MYH11: variants seen among roughly 807,000 people sequenced by gnomAD.
The protein encoded by MYH11 is myosin heavy chain 11.
In MYH11, 80 loss-of-function variants were observed where a neutral mutation model predicts 246.6. That is an observed-to-expected ratio of 0.32 (90% CI 0.27 to 0.39). MYH11 has a LOEUF of 0.39. Among genes scored for constraint, MYH11 ranks in the 10% least tolerant of loss-of-function variants. The pLI, the probability that MYH11 is intolerant of heterozygous loss-of-function variation, is 1.00. For missense variants in MYH11, 2,158 were observed against 2,546.8 expected, an observed-to-expected ratio of 0.85 and a Z score of 3.29; for synonymous variants, 1,071 against 1,015.5, an observed-to-expected ratio of 1.05 and a Z score of -1.04.
At chr16:15,842,762 C>CAAAAA (rs757920488) in intron 1 of MYH11, among the ~76,000 whole-genome samples, 3 of 19,672 alleles carry the variant, frequency 1.5e-4, no homozygotes, top group South Asian at 2.5e-3. Flanking sequence ...AGACTTCATC[C>CAAAAA]AAAAAAAAAA....
chr16:15,809,204 G>A (rs2043083312), intron 3 of MYH11, among the ~76,000 whole-genome samples: 1 of 152,168 alleles, frequency 6.6e-6, no homozygotes, highest in East Asian at 1.9e-4. Context: ...CATACGCACA[G>A]TAGGCTGTGT....
chr16:15,829,542 G>A (rs1274959683), intron 2 of MYH11, among the ~76,000 whole-genome samples: 1 of 152,114 alleles, frequency 6.6e-6, no homozygotes, highest in African/African-American at 2.4e-5. Flanking sequence ...ACCATAGTTG[G>A]CTGTGTTTCT....
chr16:15,781,851 G>GA (rs34331090), intron 6 of MYH11, among the ~76,000 whole-genome samples: 29,801 of 151,920 alleles, frequency 0.2, 3,142 homozygotes, highest in East Asian at 0.33. Context: ...CAGCAAATGA[G>GA]AAAAAAACAA....
In MYH11 at chr16:15,703,487, C is replaced by T. The variant is rs150385637; in HGVS notation, c.*504G>A. ...CTAAAAACTCAGTGTCTGCACAATC[C>T]ATTGATAGAACTGGAGGATGTGTCT... On this transcript the variant is annotated 3_prime_UTR_variant, in exon 41 of 41. Coordinates refer to ENST00000300036, the MANE Select transcript of MYH11 (RefSeq NM_002474.3). 26 of 271,564 alleles carry T rather than the reference C, an allele frequency of 9.6e-5. No homozygotes were observed. The highest frequency in any genetic ancestry group is 5.6e-4 in the African/African-American group (26 of 46,498). 16.8% of individuals were successfully genotyped at this position (271,564 alleles called of 1,614,324 possible). A position where few individuals can be genotyped will look rare whatever the true frequency, so the allele number is the denominator to read the frequency against.
intron 4 of MYH11, 125 bp downstream of exon 4, chr16:15,798,535 G>A: frequency 2.0e-6 from 2 of 1,008,098 alleles, no homozygotes; most frequent in Non-Finnish European, 2.9e-6. Flanking sequence ...AGAGGCACTT[G>A]GAACCATGAA....
intron 9 of MYH11, among the ~76,000 whole-genome samples, chr16:15,769,567 T>C (rs2042053847): frequency 6.6e-6 from 1 of 152,136 alleles, no homozygotes; most frequent in Admixed American, 6.5e-5. Context: ...TAGCTGGGAC[T>C]ACAGTGTGCA....
At chr16:15,730,912 G>A (rs1249572222) in intron 27 of MYH11, among the ~76,000 whole-genome samples, 1 of 152,114 alleles carries the variant, frequency 6.6e-6, no homozygotes, top group Non-Finnish European at 1.5e-5. Flanking sequence ...ACGGGAGAGT[G>A]ATTTGACCTA....
Position 15,791,663 on chromosome 16 carries a change from C to T in MYH11, c.531-4931G>A, listed in dbSNP as rs573463727. ...AAAATGGGTATAATAAAAACACTTACCTTGTATGATTTTTTTTTTTTTTTT... is the reference window on the plus strand; with the variant it reads ...AAAATGGGTATAATAAAAACACTTATCTTGTATGATTTTTTTTTTTTTTTT... On this transcript the variant is annotated intron_variant, in intron 4 of 40. Transcript: ENST00000300036. The T allele has an allele frequency of 3.5e-5, 5 of 144,884 alleles. No individual in the cohort carries two copies. In the East Asian group the frequency reaches 6.1e-4, roughly 18 times the overall value. 9.0% of individuals were successfully genotyped at this position (144,884 alleles called of 1,614,324 possible).
At chr16:15,840,012 T>C (rs1271468596) in intron 1 of MYH11, among the ~76,000 whole-genome samples, 4 of 151,596 alleles carry the variant, frequency 2.6e-5, no homozygotes, top group African/African-American at 4.8e-5. Flanking sequence ...GACTGCACCA[T>C]TGCACTCCAG....
chr16:15,727,194 T>G (rs941807967), intron 27 of MYH11, 140 bp from the exon 28 acceptor site: 11 of 750,490 alleles, frequency 1.5e-5, no homozygotes, highest in South Asian at 6.3e-5. Context: ...AGATTTGGGG[T>G]TTTTTTGTTG....
At position 15,757,875 on chromosome 16, in the gene MYH11, G is replaced by A. The variant is rs564612796; in HGVS notation, c.1527C>T (p.Ile509=). 23 of 1,614,202 alleles carry A rather than the reference G, an allele frequency of 1.4e-5. No individual in the cohort carries two copies. In the Admixed American group the frequency reaches 2.2e-4, roughly 15 times the overall value. The change falls in exon 13 of 41, where the codon ATC becomes ATT. Residue 509 remains isoleucine, a synonymous_variant. Transcript: ENST00000300036. ...AGGGCTGTAGGTCCAGCCCAAAGTC[G>A]ATGAAGTTCCACTCGATGCCCTCGC... ...YQREGIEWNF[I]DFGLDLQPCI...
chr16:15,738,844 A>G lies in MYH11; in HGVS notation c.2998-156T>C, dbSNP rs373274232. On this transcript the variant is annotated intron_variant, in intron 23 of 40. Transcript: ENST00000300036. ...TTAAATGGTAAAGAGAAGTCCCATAACAATTTCCAAAAACTGGCCATTTCT... is the reference window on the plus strand; with the variant it reads ...TTAAATGGTAAAGAGAAGTCCCATAGCAATTTCCAAAAACTGGCCATTTCT... Among the ~76,000 whole-genome samples, 162 of 152,338 alleles carry G rather than the reference A, an allele frequency of 1.1e-3. 1 individual carries two copies. Among genetic ancestry groups the G allele is most frequent in the Non-Finnish European group, 2.0e-3 (135 of 68,030 alleles).
chr16:15,706,535 C>G (rs572071849), intron 40 of MYH11, among the ~76,000 whole-genome samples: 26 of 152,224 alleles, frequency 1.7e-4, no homozygotes, highest in African/African-American at 5.8e-4. Flanking sequence ...TGGTGAAACC[C>G]CGTCTCTACT....
At position 15,735,189 on chromosome 16, in the gene MYH11, A is replaced by G. The variant is rs537983826; in HGVS notation, c.3506+177T>C. On this transcript the variant is annotated intron_variant, in intron 26 of 40. Transcript: ENST00000300036. ...GCCAGACTGCCTCAAAAAAAAAAAA[A>G]AAAGAAAGAAAAAAAAGAAACAGCC... 1.1e-3 allele frequency among the ~76,000 whole-genome samples: 171 copies of G among 152,056 alleles called. 2 individuals are homozygous for G. Among genetic ancestry groups the G allele is most frequent in the African/African-American group, 3.8e-3 (158 of 41,514 alleles).
At chr16:15,778,879 C>G in intron 6 of MYH11, 36 bp from the exon 7 acceptor site, 6 of 1,605,370 alleles carry the variant, frequency 3.7e-6, no homozygotes, top group Non-Finnish European at 5.1e-6. Flanking sequence ...GCTTTGCTGC[C>G]CAACTTCAGC....
chr16:15,804,639 C>CA (rs1794302822), intron 3 of MYH11, among the ~76,000 whole-genome samples: 1 of 152,154 alleles, frequency 6.6e-6, no homozygotes, highest in South Asian at 2.1e-4. Context: ...CTGTCACCCC[C>CA]AAATGAAACC....
chr16:15,730,908 G>C (rs2040942168), intron 27 of MYH11, among the ~76,000 whole-genome samples: 1 of 152,192 alleles, frequency 6.6e-6, no homozygotes, highest in African/African-American at 2.4e-5. Flanking sequence ...AACAACGGGA[G>C]AGTGATTTGA....
chr16:15,707,123 C>T (rs1041967866), intron 40 of MYH11, among the ~76,000 whole-genome samples: 2 of 152,160 alleles, frequency 1.3e-5, no homozygotes, highest in African/African-American at 2.4e-5. Context: ...ACTGCAGCCT[C>T]TGCCTCCCAG....
chr16:15,838,187 G>A lies in MYH11; in HGVS notation c.66C>T (p.Asn22=), dbSNP rs2151381553. 1.9e-6 allele frequency: 3 copies of A among 1,614,120 alleles called. No individual in the cohort carries two copies. Among genetic ancestry groups the A allele is most frequent in the African/African-American group, 1.3e-5 (1 of 75,042 alleles). ...KFLFVDKNFI[N]SPVAQADWAA... ...CCCAGTCAGCCTGGGCCACTGGGCT[G>A]TTGATGAAGTTTTTGTCCACAAAGA... The change falls in exon 2 of 41, where the codon AAC becomes AAT. Residue 22 remains asparagine (N), a synonymous_variant. Coordinates refer to ENST00000300036, the MANE Select transcript of MYH11 (RefSeq NM_002474.3).
Sources: allele counts gnomAD v4.1 joint callset (sites outside exome capture counted in the v4.1 genomes callset), GRCh38; gene constraint gnomAD v4.1.1; transcripts MANE v1.5; gene names NCBI Gene and HGNC (gene_info 2026-07-23, HGNC 2026-07-21).